The following GPR158 variants were observed in gnomAD, a reference collection of about 807,000 sequenced individuals.
GPR158 encodes G protein-coupled receptor 158, also known as metabotropic glycine receptor.
Under a neutral mutation model 78.2 loss-of-function variants are expected in GPR158, and 30 were observed. The ratio of observed to expected loss-of-function variants is 0.38; its 90% CI spans 0.29 to 0.52. The LOEUF (loss-of-function observed/expected upper bound fraction) is 0.52. Ranked by LOEUF, GPR158 falls within the 20% of genes least tolerant of loss-of-function variation. The pLI is 0.83. For synonymous variants in GPR158, 581 were observed against 591.1 expected, an observed-to-expected ratio of 0.98 and a Z score of 0.25; for missense variants, 1,463 against 1,523.5, an observed-to-expected ratio of 0.96 and a Z score of 0.66.
intron 5 of GPR158, among the ~76,000 whole-genome samples, chr10:25,521,300 T>C (rs1836269076): frequency 6.6e-6 from 1 of 152,164 alleles, no homozygotes; most frequent in Non-Finnish European, 1.5e-5. Flanking sequence ...GTACCTCAGA[T>C]GGAAATGCAG....
chr10:25,434,230 C>G, intron 4 of GPR158, among the ~76,000 whole-genome samples: 1 of 152,126 alleles, frequency 6.6e-6, no homozygotes, highest in East Asian at 1.9e-4. Flanking sequence ...GGTAGCAATA[C>G]TAATTATGAG....
chr10:25,557,298 G>T (rs1836798575), intron 6 of GPR158, among the ~76,000 whole-genome samples: 1 of 152,146 alleles, frequency 6.6e-6, no homozygotes, highest in Non-Finnish European at 1.5e-5. Context: ...GAATAAGTAG[G>T]CTGTGACCTC....
At chr10:25,425,459 G>A (rs1834807533) in intron 4 of GPR158, among the ~76,000 whole-genome samples, 1 of 151,680 alleles carries the variant, frequency 6.6e-6, no homozygotes, top group African/African-American at 2.4e-5. Context: ...ATGTTCATCG[G>A]CCATTTGTAT....
chr10:25,287,435 G>C (rs1025711839), intron 2 of GPR158, among the ~76,000 whole-genome samples: 1 of 152,042 alleles, frequency 6.6e-6, no homozygotes, highest in Non-Finnish European at 1.5e-5. Flanking sequence ...AGCCTTGAAG[G>C]ATGCTATCTT....
At chr10:25,303,516 T>C (rs1854628242) in intron 2 of GPR158, among the ~76,000 whole-genome samples, 1 of 152,166 alleles carries the variant, frequency 6.6e-6, no homozygotes, top group African/African-American at 2.4e-5. Flanking sequence ...ATAAATACAC[T>C]AAAATGACTC....
chr10:25,452,569 A>C (rs1835235163), intron 4 of GPR158, among the ~76,000 whole-genome samples: 1 of 152,186 alleles, frequency 6.6e-6, no homozygotes, highest in African/African-American at 2.4e-5. Context: ...TTTTGCTTCA[A>C]TCAAAGAAAT....
At chr10:25,444,933 T>C (rs1835121114) in intron 4 of GPR158, among the ~76,000 whole-genome samples, 1 of 152,178 alleles carries the variant, frequency 6.6e-6, no homozygotes, top group South Asian at 2.1e-4. Context: ...CTCTGATCTA[T>C]ACAGGTGGCC....
chr10:25,425,681 A>T (rs1185731787), intron 4 of GPR158, among the ~76,000 whole-genome samples: 1 of 152,154 alleles, frequency 6.6e-6, no homozygotes, highest in African/African-American at 2.4e-5. Context: ...ATCTACAAGG[A>T]ATTTAAACAA....
intron 2 of GPR158, among the ~76,000 whole-genome samples, chr10:25,251,641 C>T (rs1163140275): frequency 6.6e-6 from 1 of 150,462 alleles, no homozygotes; most frequent in African/African-American, 2.5e-5. Flanking sequence ...GAATATTGGC[C>T]CCCACTCTCT....
intron 10 of GPR158, 83 bp downstream of exon 10, chr10:25,596,872 G>A (rs1251891502): frequency 1.8e-6 from 2 of 1,114,158 alleles, no homozygotes; most frequent in Non-Finnish European, 2.7e-6. Context: ...GGGTGCGTGT[G>A]TGCATGCATG....
At chr10:25,391,540 A>T (rs991521340) in intron 2 of GPR158, among the ~76,000 whole-genome samples, 1 of 152,162 alleles carries the variant, frequency 6.6e-6, no homozygotes, top group African/African-American at 2.4e-5. Flanking sequence ...TTAGACTTTC[A>T]TGAGGCCTGT....
chr10:25,408,006 C>T (rs12244297), intron 3 of GPR158, among the ~76,000 whole-genome samples: 1,599 of 152,210 alleles, frequency 0.011, 28 homozygotes, highest in African/African-American at 0.037. Flanking sequence ...TTGAGTGATT[C>T]GAGGTGCTAA....
chr10:25,522,031 A>G (rs1836284380), intron 5 of GPR158, among the ~76,000 whole-genome samples: 1 of 152,230 alleles, frequency 6.6e-6, no homozygotes, highest in African/African-American at 2.4e-5. Context: ...CACAGAGGCC[A>G]GTTTAATAAC....
intron 6 of GPR158, among the ~76,000 whole-genome samples, chr10:25,554,868 T>C (rs989927952): frequency 2.6e-5 from 4 of 152,150 alleles, no homozygotes; most frequent in African/African-American, 7.2e-5. Flanking sequence ...GGCTTTATTA[T>C]TGCCTTAAAT....
chr10:25,497,337 CTT>C (rs1211979242), intron 5 of GPR158, among the ~76,000 whole-genome samples: 1 of 152,168 alleles, frequency 6.6e-6, no homozygotes, highest in Non-Finnish European at 1.5e-5. Context: ...AAAGGCTTAA[CTT>C]TGCTTAATAC....
chr10:25,535,724 A>G (rs909223045), intron 5 of GPR158, among the ~76,000 whole-genome samples: 2 of 152,172 alleles, frequency 1.3e-5, no homozygotes, highest in Non-Finnish European at 2.9e-5. Flanking sequence ...TTTATCCATC[A>G]TATTAATAGT....
At position 25,212,627 on chromosome 10, in the gene GPR158, C is replaced by CTTTTTTTTTTTT. The variant is rs10642944; in HGVS notation, c.903-8414_903-8403dup. On this transcript the variant is annotated intron_variant, in intron 1 of 10. Transcript: ENST00000376351. The stretch of plus-strand genomic sequence containing the variant: ...TACTTAACTACTAGAGAATTTATAG[C>CTTTTTTTTTTTT]TTTTTTTTTTTTTTTTTTTTTTGAG... 6.4e-4 allele frequency among the ~76,000 whole-genome samples: 50 copies of CTTTTTTTTTTTT among 78,568 alleles called. 2 individuals carry two copies. Among genetic ancestry groups the CTTTTTTTTTTTT allele is most frequent in the East Asian group, 2.3e-3 (5 of 2,172 alleles). The allele number at this position is 78,568 out of a possible 152,430, so 51.5% of individuals were successfully genotyped here. A position where few individuals can be genotyped will look rare whatever the true frequency, so the allele number is the denominator to read the frequency against.
At chr10:25,491,620 CAT>C (rs1353444256) in intron 5 of GPR158, among the ~76,000 whole-genome samples, 1 of 152,026 alleles carries the variant, frequency 6.6e-6, no homozygotes, top group African/African-American at 2.4e-5. Context: ...TAATTTTAAA[CAT>C]GTAATTCTTG....
chr10:25,463,728 C>T (rs1028773394), intron 4 of GPR158, among the ~76,000 whole-genome samples: 2 of 152,008 alleles, frequency 1.3e-5, no homozygotes, highest in African/African-American at 4.8e-5. Context: ...CACCCCCATA[C>T]ACACTTAGTG....
Sources: allele counts gnomAD v4.1 joint callset (sites outside exome capture counted in the v4.1 genomes callset), GRCh38; gene constraint gnomAD v4.1.1; transcripts MANE v1.5; gene names NCBI Gene and HGNC (gene_info 2026-07-23, HGNC 2026-07-21).